The following SLC25A37 variants were observed in gnomAD, a reference collection of about 807,000 sequenced individuals.
The protein encoded by SLC25A37 is mitoferrin-1.
Under a neutral mutation model 31.0 loss-of-function variants are expected in SLC25A37, and 17 were observed. The observed-to-expected ratio is 0.55, with a 90% CI of 0.38 to 0.82. SLC25A37 has a LOEUF of 0.82. SLC25A37 is among the 40% of genes least tolerant of loss of function. SLC25A37 has a pLI of 0.00. For missense variants in SLC25A37, 404 were observed against 465.8 expected (o/e 0.87, Z 1.22); for synonymous variants, 222 against 193.0 (o/e 1.15, Z -1.24).
At chr8:23,556,322 G>A (rs1802364045) in intron 1 of SLC25A37, among the ~76,000 whole-genome samples, 1 of 150,632 alleles carries the variant, frequency 6.6e-6, no homozygotes, top group Admixed American at 6.7e-5. Context: ...CTGGGCTCAA[G>A]TGATCCTCTC....
chr8:23,533,657 A>T (rs1018649970), intron 1 of SLC25A37, among the ~76,000 whole-genome samples: 10 of 152,202 alleles, frequency 6.6e-5, no homozygotes, highest in African/African-American at 2.4e-4. Flanking sequence ...GGAAGCCTTC[A>T]GCATCTTTCT....
chr8:23,548,826 C>T (rs976464083), intron 1 of SLC25A37, among the ~76,000 whole-genome samples: 1 of 152,092 alleles, frequency 6.6e-6, no homozygotes, highest in African/African-American at 2.4e-5. Context: ...GTAAAACACT[C>T]TCTCTCTGCT....
intron 1 of SLC25A37, among the ~76,000 whole-genome samples, chr8:23,555,917 A>C (rs1802351997): frequency 6.6e-6 from 1 of 152,186 alleles, no homozygotes; most frequent in South Asian, 2.1e-4. Flanking sequence ...CGTAGACCTG[A>C]TTTAGTTGAA....
intron 1 of SLC25A37, among the ~76,000 whole-genome samples, chr8:23,565,523 T>TTA (rs1802630529): frequency 6.6e-6 from 1 of 152,222 alleles, no homozygotes; most frequent in Non-Finnish European, 1.5e-5. Flanking sequence ...ACAAGACCAT[T>TTA]TATATTTAAG....
chr8:23,550,342 C>T (rs1360570049), intron 1 of SLC25A37, among the ~76,000 whole-genome samples: 1 of 101,224 alleles, frequency 9.9e-6, no homozygotes, highest in Non-Finnish European at 1.7e-5. Flanking sequence ...TGCTGCCGCC[C>T]TCCTTCACGT....
chr8:23,568,840 G>A lies in SLC25A37; in HGVS notation c.496+462G>A, dbSNP rs570181491. 1.6e-4 allele frequency: 29 copies of A among 178,080 alleles called. No individual in the cohort carries two copies. In the South Asian group the frequency reaches 3.4e-3, roughly 21 times the overall value. 11.0% of individuals were successfully genotyped at this position (178,080 alleles called of 1,614,324 possible). A position where few individuals can be genotyped will look rare whatever the true frequency, so the allele number is the denominator to read the frequency against. ...CACCTGTAATCCCAGCTACTGGGGT[G>A]GCCGAGGTGGGAGAATCGCTTGAAC... On this transcript the variant is annotated intron_variant, in intron 3 of 3. Transcript: ENST00000519973.
chr8:23,533,988 C>A (rs1207372140), intron 1 of SLC25A37, among the ~76,000 whole-genome samples: 1 of 152,128 alleles, frequency 6.6e-6, no homozygotes, highest in Non-Finnish European at 1.5e-5. Flanking sequence ...CGGTCTGTCA[C>A]CCAGGTTGGA....
intron 1 of SLC25A37, among the ~76,000 whole-genome samples, chr8:23,565,109 G>GT (rs1554500040): frequency 6.6e-6 from 1 of 152,162 alleles, no homozygotes; most frequent in African/African-American, 2.4e-5. Context: ...GAGAGACCCA[G>GT]TTTTTTTCTC....
chr8:23,566,404 C>A, intron 2 of SLC25A37, 68 bp downstream of exon 2: 1 of 1,538,812 alleles, frequency 6.5e-7, no homozygotes, highest in South Asian at 1.3e-5. Flanking sequence ...CCAGGGTGTT[C>A]CTCCCTGTGA....
At chr8:23,534,239 C>G (rs1196871407) in intron 1 of SLC25A37, among the ~76,000 whole-genome samples, 1 of 152,194 alleles carries the variant, frequency 6.6e-6, no homozygotes, top group African/African-American at 2.4e-5. Context: ...AGGCATGAAC[C>G]ACCATGCCCA....
intron 1 of SLC25A37, among the ~76,000 whole-genome samples, chr8:23,536,953 T>C (rs1801781105): frequency 6.6e-6 from 1 of 152,112 alleles, no homozygotes; most frequent in South Asian, 2.1e-4. Context: ...CCCAATACCT[T>C]GAGAGGCCGA....
chr8:23,535,920 G>A (rs543029795), intron 1 of SLC25A37, among the ~76,000 whole-genome samples: 74 of 152,250 alleles, frequency 4.9e-4, no homozygotes, highest in African/African-American at 1.7e-3. Context: ...CCCATAACAC[G>A]TGGGAATTAT....
At chr8:23,532,336 C>T (rs1801677472) in intron 1 of SLC25A37, among the ~76,000 whole-genome samples, 2 of 152,222 alleles carry the variant, frequency 1.3e-5, no homozygotes, top group Non-Finnish European at 2.9e-5. Flanking sequence ...GCAGGGCTCT[C>T]ACCAAATGGT....
intron 1 of SLC25A37, among the ~76,000 whole-genome samples, chr8:23,536,992 T>TG: frequency 6.6e-6 from 1 of 152,242 alleles, no homozygotes; most frequent in African/African-American, 2.4e-5. Flanking sequence ...GGCCAGGAGT[T>TG]GGAGACCAGC....
intron 1 of SLC25A37, among the ~76,000 whole-genome samples, chr8:23,549,925 TA>T (rs1407443616): frequency 1.4e-5 from 2 of 138,228 alleles, no homozygotes; most frequent in African/African-American, 6.4e-5. Flanking sequence ...GAGGAGGACT[TA>T]AAATACCTGC....
intron 3 of SLC25A37, among the ~76,000 whole-genome samples, chr8:23,570,356 G>A (rs550357682): frequency 8.2e-5 from 11 of 133,926 alleles, no homozygotes; most frequent in Non-Finnish European, 1.4e-4. Context: ...TAATGAATGC[G>A]TTCAAGACAG....
intron 1 of SLC25A37, among the ~76,000 whole-genome samples, chr8:23,556,276 G>GGTGAC (rs912889670): frequency 4.0e-5 from 6 of 149,882 alleles, no homozygotes. Context: ...GCTGAAGTGC[G>GGTGAC]GTGACATGAT....
chr8:23,570,983 G>T (rs1355106477), intron 3 of SLC25A37, among the ~76,000 whole-genome samples: 1 of 152,170 alleles, frequency 6.6e-6, no homozygotes, highest in Non-Finnish European at 1.5e-5. Flanking sequence ...TGGGTCCTGA[G>T]GGTTCCTACC....
chr8:23,563,159 C>T (rs1802560481), intron 1 of SLC25A37, among the ~76,000 whole-genome samples: 1 of 152,098 alleles, frequency 6.6e-6, no homozygotes, highest in East Asian at 1.9e-4. Context: ...TTCCCTTGGT[C>T]TTTCTTGCTT....
Sources: gnomAD v4.1 joint callset for allele counts (sites outside exome capture counted in the v4.1 genomes callset) on GRCh38, gnomAD v4.1.1 for gene constraint, MANE v1.5 for transcripts, NCBI Gene and HGNC (gene_info 2026-07-23, HGNC 2026-07-21) for gene names.